Variants in SAP130 observed in about 807,000 individuals in gnomAD.
The protein encoded by SAP130 is histone deacetylase complex subunit SAP130.
SAP130 carries 16 observed loss-of-function variants against 103.2 expected under a neutral mutation model. The ratio of observed to expected loss-of-function variants is 0.16; its 90% CI spans 0.10 to 0.24. The LOEUF (loss-of-function observed/expected upper bound fraction) is 0.24. Ranked by LOEUF, SAP130 falls within the 10% of genes least tolerant of loss-of-function variation. The probability of loss-of-function intolerance (pLI) is 1.00; values close to 1 mark genes in which losing one functional copy is unlikely to be tolerated. For missense variants in SAP130, 990 were observed against 1,359.7 expected, an observed-to-expected ratio of 0.73 and a Z score of 4.28; for synonymous variants, 477 against 497.0, an observed-to-expected ratio of 0.96 and a Z score of 0.53.
At chr2:127,956,730 T>C (rs1679871605) in intron 15 of SAP130, among the ~76,000 whole-genome samples, 1 of 146,824 alleles carries the variant, frequency 6.8e-6, no homozygotes, top group East Asian at 2.0e-4. Flanking sequence ...AAAAGAAAGT[T>C]GGGTGCAGTC....
At chr2:128,008,166 T>C (rs539503869) in intron 7 of SAP130, among the ~76,000 whole-genome samples, 37 of 152,216 alleles carry the variant, frequency 2.4e-4, no homozygotes, top group Non-Finnish European at 4.6e-4. Flanking sequence ...TCTTCTTGTC[T>C]GCACTATTGC....
chr2:128,006,237 C>A (rs146393573), intron 7 of SAP130, among the ~76,000 whole-genome samples: 3 of 152,012 alleles, frequency 2.0e-5, no homozygotes, highest in Non-Finnish European at 4.4e-5. Context: ...ATTCTCAGCA[C>A]GTAAACTTTC....
intron 5 of SAP130, among the ~76,000 whole-genome samples, chr2:128,014,223 C>T (rs1288540729): frequency 7.0e-6 from 1 of 142,298 alleles, no homozygotes; most frequent in South Asian, 2.3e-4. Context: ...TACTGTCTTG[C>T]GATTTTTTTT....
At position 127,941,222 on chromosome 2, in the gene SAP130, T is replaced by A. The variant is rs1041468168; in HGVS notation, c.*784A>T. ...TACAAAAAGATGCAAACTGCGCAAGTACAAAAACCTCTTTGAGTCCTTTAT... is the reference window on the plus strand; with the variant it reads ...TACAAAAAGATGCAAACTGCGCAAGAACAAAAACCTCTTTGAGTCCTTTAT... On this transcript the variant is annotated 3_prime_UTR_variant, in exon 21 of 21. Transcript: ENST00000643581. The A allele has an allele frequency of 1.3e-5, 2 of 152,184 alleles. No homozygotes were observed. Among genetic ancestry groups the A allele is most frequent in the African/African-American group, 2.4e-5 (1 of 41,456 alleles). 9.4% of individuals were successfully genotyped at this position (152,184 alleles called of 1,614,324 possible).
At chr2:127,976,942 A>G (rs1010899030) in intron 15 of SAP130, among the ~76,000 whole-genome samples, 1 of 152,064 alleles carries the variant, frequency 6.6e-6, no homozygotes, top group African/African-American at 2.4e-5. Context: ...ATCTATCTAC[A>G]TGTGTATGCA....
chr2:128,010,504 A>G, intron 6 of SAP130, 111 bp from the exon 7 acceptor site: 1 of 1,066,810 alleles, frequency 9.4e-7, no homozygotes, highest in Non-Finnish European at 1.3e-6. Context: ...TTTCTGCCCA[A>G]GTAAAAATAA....
intron 7 of SAP130, among the ~76,000 whole-genome samples, chr2:128,007,648 G>C (rs1434680861): frequency 6.6e-6 from 1 of 152,192 alleles, no homozygotes; most frequent in Non-Finnish European, 1.5e-5. Flanking sequence ...TTTTATTGAA[G>C]AGAGAACAAA....
At chr2:127,992,214 T>G (rs1682856907) in intron 12 of SAP130, among the ~76,000 whole-genome samples, 2 of 151,782 alleles carry the variant, frequency 1.3e-5, no homozygotes, top group African/African-American at 4.8e-5. Flanking sequence ...CCAAGTGATC[T>G]GCCCACCATG....
chr2:127,986,843 G>C lies in SAP130; in HGVS notation c.1900C>G (p.Pro634Ala), dbSNP rs559677024. The change falls in exon 14 of 21, where the codon CCC (proline) becomes GCC (alanine). Residue 634 changes from proline (P) to alanine (A), a missense_variant. This residue lies in a region of SAP130 where 349 missense variants were observed against 384.1 expected (regional missense o/e 0.91). Transcript: ENST00000643581. The surrounding 1 kb of genome is among the most constrained non-coding windows in gnomAD (Gnocchi z 4.7). ...GGCCGTGGCGATGAGCCCTGGGCGGGAGCGTTGGTGCTAGCACTCTGGCTG... is the reference window on the plus strand; with the variant it reads ...GGCCGTGGCGATGAGCCCTGGGCGGCAGCGTTGGTGCTAGCACTCTGGCTG... ...THSQSASTNA[P>A]AQGSSPRPSI... The C allele has an allele frequency of 1.2e-6, 2 of 1,614,122 alleles. No homozygotes were observed. Among genetic ancestry groups the C allele is most frequent in the African/African-American group, 2.7e-5 (2 of 74,936 alleles).
intron 7 of SAP130, among the ~76,000 whole-genome samples, chr2:128,008,528 CTT>C (rs76018250): frequency 1.1e-3 from 146 of 137,148 alleles, no homozygotes; most frequent in African/African-American, 1.9e-3. Context: ...CCACGCTTAC[CTT>C]TTTTTTTTTT....
intron 2 of SAP130, 110 bp from the exon 3 acceptor site, chr2:128,018,025 A>G: frequency 1.2e-6 from 1 of 847,544 alleles, no homozygotes; most frequent in South Asian, 1.7e-5. Flanking sequence ...CAAAGTGGCC[A>G]TTTCCTTGTG....
At chr2:128,014,641 T>C (rs9678910) in intron 5 of SAP130, among the ~76,000 whole-genome samples, 162 bp downstream of exon 5, 4,236 of 152,288 alleles carry the variant, frequency 0.028, 178 homozygotes, top group African/African-American at 0.093. Flanking sequence ...CTGGCCTTTT[T>C]TTCTTTTTAA....
At chr2:128,023,478 C>A (rs1180077466) in intron 2 of SAP130, among the ~76,000 whole-genome samples, 1 of 152,106 alleles carries the variant, frequency 6.6e-6, no homozygotes, top group East Asian at 1.9e-4. Context: ...GATCTTCCAG[C>A]ACTATTTTAC....
At chr2:128,025,433 A>G (rs927056208) in intron 2 of SAP130, among the ~76,000 whole-genome samples, 1 of 152,132 alleles carries the variant, frequency 6.6e-6, no homozygotes, top group Non-Finnish European at 1.5e-5. Flanking sequence ...CTAAAAACCA[A>G]GTTTTATCTA....
rs545563412 is a variant in SAP130, at chr2:127,947,023, G to A, written c.2798-1464C>T. On this transcript the variant is annotated intron_variant, in intron 18 of 20. Coordinates refer to ENST00000643581, the MANE Select transcript of SAP130 (RefSeq NM_001330301.2). ...AGAGAGAGAGAAAAGGAAGGGGAGA[G>A]AAGGAGAGAGAGAGAGAAAGGAGGA... Among the ~76,000 whole-genome samples the A allele has an allele frequency of 6.2e-4, 94 of 150,588 alleles. 1 individual carries two copies. The highest frequency in any genetic ancestry group is 3.4e-3 in the Middle Eastern group (1 of 294).
intron 12 of SAP130, among the ~76,000 whole-genome samples, chr2:127,992,189 C>T (rs1682855458): frequency 6.6e-6 from 1 of 151,884 alleles, no homozygotes; most frequent in African/African-American, 2.4e-5. Flanking sequence ...CCAGGCTGGT[C>T]TCAAACTTTT....
intron 6 of SAP130, among the ~76,000 whole-genome samples, chr2:128,010,863 G>GA (rs1356860793): frequency 2.6e-5 from 2 of 77,532 alleles, no homozygotes; most frequent in Non-Finnish European, 5.0e-5. Context: ...AAACTGTCTT[G>GA]AAAAAATAGA....
At chr2:127,948,339 T>G (rs1679265415) in intron 18 of SAP130, among the ~76,000 whole-genome samples, 1 of 145,388 alleles carries the variant, frequency 6.9e-6, no homozygotes, top group African/African-American at 2.6e-5. Context: ...TTTTTTTTTT[T>G]TTTTTTTTTT....
At chr2:127,957,392 T>G (rs979816556) in intron 15 of SAP130, among the ~76,000 whole-genome samples, 1 of 152,200 alleles carries the variant, frequency 6.6e-6, no homozygotes, top group Non-Finnish European at 1.5e-5. Flanking sequence ...AAGAAAGAAC[T>G]GGCTAGGCGT....
Sources: gnomAD v4.1 joint callset for allele counts (sites outside exome capture counted in the v4.1 genomes callset) on GRCh38, gnomAD v4.1.1 for gene constraint, gnomAD v4.1.1 regional missense constraint, Gnocchi (gnomAD v3.1) non-coding constraint, MANE v1.5 for transcripts, NCBI Gene and HGNC (gene_info 2026-07-23, HGNC 2026-07-21) for gene names.